The following KDM1B variants were observed in gnomAD, a reference collection of about 807,000 sequenced individuals.
KDM1B encodes lysine demethylase 1B.
Under a neutral mutation model 107.4 loss-of-function variants are expected in KDM1B, and 63 were observed. The observed-to-expected ratio is 0.59, with a 90% CI of 0.48 to 0.72. The LOEUF is 0.72. Among genes scored for constraint, KDM1B ranks in the 30% least tolerant of loss-of-function variants. KDM1B has a pLI of 0.00. For missense variants in KDM1B, 749 were observed against 1,020.8 expected (o/e 0.73, Z 3.63); for synonymous variants, 363 against 363.9 (o/e 1.00, Z 0.03).
At chr6:18,221,024 C>T (rs1224749541) in intron 21 of KDM1B, among the ~76,000 whole-genome samples, 4 of 151,710 alleles carry the variant, frequency 2.6e-5, no homozygotes, top group South Asian at 2.1e-4. Context: ...GGATTACATG[C>T]GTGAGCCACC....
intron 9 of KDM1B, among the ~76,000 whole-genome samples, chr6:18,190,343 T>C (rs1036938855): frequency 6.7e-6 from 1 of 150,146 alleles, no homozygotes; most frequent in Non-Finnish European, 1.5e-5. Context: ...CTGTAATCCC[T>C]GCACTTTGGG....
chr6:18,217,857 T>G lies in KDM1B; in HGVS notation c.2357T>G (p.Ile786Ser), dbSNP rs765633223. 3.1e-6 allele frequency: 5 copies of G among 1,612,834 alleles called. No homozygotes were observed. Among genetic ancestry groups the G allele is most frequent in the Admixed American group, 1.7e-5 (1 of 59,558 alleles). ...GEAYDIIAED[I>S]QGTVFFAGEA... ...GCCTACGATATCATTGCTGAAGACA[T>G]TCAAGGAACCGTCTTTTTCGCTGGT... Residue 786 changes from isoleucine (I) to serine (S), a missense_variant, in exon 21 of 22, where the codon ATT becomes AGT. Coordinates refer to ENST00000650836, the MANE Select transcript of KDM1B (RefSeq NM_001364614.2).
At chr6:18,177,303 G>T (rs891626822) in intron 7 of KDM1B, among the ~76,000 whole-genome samples, 1 of 151,902 alleles carries the variant, frequency 6.6e-6, no homozygotes, top group African/African-American at 2.4e-5. Flanking sequence ...AGTGGTGTCA[G>T]TTGTAATATC....
chr6:18,221,071 T>C (rs974819264), intron 21 of KDM1B, among the ~76,000 whole-genome samples: 4 of 152,024 alleles, frequency 2.6e-5, no homozygotes, highest in Admixed American at 1.3e-4. Flanking sequence ...GAGGCTTCCT[T>C]CCCTCACTGC....
chr6:18,184,477 G>A (rs936580203), intron 7 of KDM1B, among the ~76,000 whole-genome samples: 5 of 151,644 alleles, frequency 3.3e-5, no homozygotes, highest in Non-Finnish European at 5.9e-5. Context: ...GTTTCACCAT[G>A]TTGGCCAGGC....
chr6:18,214,943 A>AAG lies in KDM1B; in HGVS notation c.2110-64_2110-63insAG. Reference sequence around the variant, plus strand: ...CAAAACAAAACAAAAAACAAAAAAAAGAGGCCCTTATCTGTGGGAGCTGAG... The same window carrying AAG: ...CAAAACAAAACAAAAAACAAAAAAAAAGGAGGCCCTTATCTGTGGGAGCTGAG... On this transcript the variant is annotated intron_variant, in intron 19 of 21. Coordinates refer to ENST00000650836, the MANE Select transcript of KDM1B (RefSeq NM_001364614.2). The surrounding 1 kb of genome is among the most constrained non-coding windows in gnomAD (Gnocchi z 4.4). 1 of 1,531,162 alleles carries AAG rather than the reference A, an allele frequency of 6.5e-7. No individual in the cohort carries two copies. Among genetic ancestry groups the AAG allele is most frequent in the East Asian group, 2.3e-5 (1 of 43,756 alleles). 94.8% of individuals were successfully genotyped at this position (1,531,162 alleles called of 1,614,324 possible).
In KDM1B at chr6:18,222,968, A is replaced by G. The variant is rs1262426920; in HGVS notation, c.*976A>G. The G allele has an allele frequency of 6.5e-6, 1 of 152,734 alleles. No individual in the cohort carries two copies. The highest frequency in any genetic ancestry group is 2.4e-5 in the African/African-American group (1 of 41,580). 9.5% of individuals were successfully genotyped at this position (152,734 alleles called of 1,614,324 possible). A position where few individuals can be genotyped will look rare whatever the true frequency, so the allele number is the denominator to read the frequency against. On this transcript the variant is annotated 3_prime_UTR_variant, in exon 22 of 22. Coordinates refer to ENST00000650836, the MANE Select transcript of KDM1B (RefSeq NM_001364614.2). ...AATGTGAGCTCTCCTGGTAAATAGT[A>G]TACATTTTATAAGCTATATTTTAAA...
In KDM1B at chr6:18,215,100, G is replaced by A. The variant is rs1434627266; in HGVS notation, c.2203G>A (p.Ala735Thr). 6.2e-6 allele frequency: 10 copies of A among 1,613,278 alleles called. No individual in the cohort carries two copies. The highest frequency in any genetic ancestry group is 1.6e-4 in the Middle Eastern group (1 of 6,080). Residue 735 changes from alanine (A) to threonine (T), a missense_variant, in exon 20 of 22, where the codon GCC becomes ACC. Transcript: ENST00000650836. ...CAAACAGGTGCTGCAGCAGTGCATG[G>A]CCACGCTCCGGGAGCTGTTCAAGGA... ...DDKQVLQQCM[A>T]TLRELFKEQE...
chr6:18,178,433 G>T lies in KDM1B; in HGVS notation c.534+6954G>T, dbSNP rs111523360. Among the ~76,000 whole-genome samples, 224 of 147,592 alleles carry T rather than the reference G, an allele frequency of 1.5e-3. 2 individuals are homozygous for T. The highest frequency in any genetic ancestry group is 4.8e-3 in the African/African-American group (192 of 39,878). On this transcript the variant is annotated intron_variant, in intron 7 of 21. Transcript: ENST00000650836. Reference sequence around the variant, plus strand: ...TTTTGAAACAGAGTCTTGCTTTGTCGCCAGGCTGAAGTGCAATGGCACGAT... The same window carrying T: ...TTTTGAAACAGAGTCTTGCTTTGTCTCCAGGCTGAAGTGCAATGGCACGAT...
Position 18,201,742 on chromosome 6 carries a change from A to G in KDM1B, c.1531+85A>G, listed in dbSNP as rs1234221916. ...TCAGCAGTGGCATTGTTCATTTGCG[A>G]GGTCGGATGTCGGCAACAGGGTAGC... On this transcript the variant is annotated intron_variant, in intron 14 of 21. Coordinates refer to ENST00000650836, the MANE Select transcript of KDM1B (RefSeq NM_001364614.2). The surrounding 1 kb of genome is among the most constrained non-coding windows in gnomAD (Gnocchi z 4.3). 2 of 1,181,568 alleles carry G rather than the reference A, an allele frequency of 1.7e-6. No homozygotes were observed. Among genetic ancestry groups the G allele is most frequent in the Non-Finnish European group, 2.4e-6 (2 of 848,078 alleles). The allele number at this position is 1,181,568 out of a possible 1,614,324, so 73.2% of individuals were successfully genotyped here. A position where few individuals can be genotyped will look rare whatever the true frequency, so the allele number is the denominator to read the frequency against.
At chr6:18,167,150 A>G (rs1785350814) in intron 6 of KDM1B, among the ~76,000 whole-genome samples, 1 of 151,970 alleles carries the variant, frequency 6.6e-6, no homozygotes, top group South Asian at 2.1e-4. Flanking sequence ...AGGTCTAGAA[A>G]TCAAGACCAT....
intron 5 of KDM1B, among the ~76,000 whole-genome samples, chr6:18,164,820 A>G (rs1384689786): frequency 6.6e-6 from 1 of 151,728 alleles, no homozygotes; most frequent in Non-Finnish European, 1.5e-5. Flanking sequence ...TAATTTTTGT[A>G]TTTTTAGTAG....
chr6:18,163,007 A>G (rs1052412555), intron 5 of KDM1B, 83 bp downstream of exon 5: 2 of 815,976 alleles, frequency 2.5e-6, no homozygotes, highest in Admixed American at 3.8e-5. Flanking sequence ...ATTAAAGCTT[A>G]GTCTCGAGGC....
chr6:18,161,087 A>T (rs1455360266), intron 3 of KDM1B, among the ~76,000 whole-genome samples: 1 of 152,062 alleles, frequency 6.6e-6, no homozygotes, highest in African/African-American at 2.4e-5. Flanking sequence ...GACTCATATG[A>T]ATTTAGTTCT....
intron 7 of KDM1B, among the ~76,000 whole-genome samples, chr6:18,173,498 A>T (rs564962773): frequency 3.3e-5 from 5 of 152,066 alleles, no homozygotes; most frequent in Non-Finnish European, 7.4e-5. Context: ...GGAATTTTCC[A>T]TTTTGAAGTG....
Position 18,201,516 on chromosome 6 carries a change from A to C in KDM1B, c.1390A>C (p.Arg464=), listed in dbSNP as rs1243351709. 2.6e-6 allele frequency: 4 copies of C among 1,549,450 alleles called. No homozygotes were observed. Among genetic ancestry groups the C allele is most frequent in the Non-Finnish European group, 3.5e-6 (4 of 1,146,754 alleles). ...LGISMHKFGE[R]CDLIQEGGRI... ...CATCAGCATGCATAAATTTGGAGAA[A>C]GATGTGACTTAATTCAGGAAGGTGG... The change falls in exon 14 of 22, where the codon AGA becomes CGA. Residue 464 remains arginine (R), a synonymous_variant. Coordinates refer to ENST00000650836, the MANE Select transcript of KDM1B (RefSeq NM_001364614.2). The surrounding 1 kb of genome is among the most constrained non-coding windows in gnomAD (Gnocchi z 4.3).
Position 18,214,690 on chromosome 6 carries a change from ACC to A in KDM1B, c.2110-316_2110-315del, listed in dbSNP as rs1352647976. On this transcript the variant is annotated intron_variant, in intron 19 of 21. Coordinates refer to ENST00000650836, the MANE Select transcript of KDM1B (RefSeq NM_001364614.2). The surrounding 1 kb of genome is among the most constrained non-coding windows in gnomAD (Gnocchi z 4.4). ...TTTGGGAGGCCGAGGTGGGTGGATC[ACC>A]TGAGGTCAGGAGTTTGAGACCAGTC... is the stretch of plus-strand genomic sequence containing the variant. Among the ~76,000 whole-genome samples, 1 of 152,162 alleles carries A rather than the reference ACC, an allele frequency of 6.6e-6. No homozygotes were observed. Among genetic ancestry groups the A allele is most frequent in the African/African-American group, 2.4e-5 (1 of 41,448 alleles).
chr6:18,191,069 A>C lies in KDM1B; in HGVS notation c.785-128A>C. 1 of 641,298 alleles carries C rather than the reference A, an allele frequency of 1.6e-6. No individual in the cohort carries two copies. Among genetic ancestry groups the C allele is most frequent in the Non-Finnish European group, 2.6e-6 (1 of 380,310 alleles). 39.7% of individuals were successfully genotyped at this position (641,298 alleles called of 1,614,324 possible). A position where few individuals can be genotyped will look rare whatever the true frequency, so the allele number is the denominator to read the frequency against. ...TTTTGTCTAACTGGGTGGAGGAAGCAAAGGTATTTATGTAGGGTAGAGAGT... is the reference window on the plus strand; with the variant it reads ...TTTTGTCTAACTGGGTGGAGGAAGCCAAGGTATTTATGTAGGGTAGAGAGT... On this transcript the variant is annotated intron_variant, in intron 9 of 21. Coordinates refer to ENST00000650836, the MANE Select transcript of KDM1B (RefSeq NM_001364614.2). The surrounding 1 kb of genome is among the most constrained non-coding windows in gnomAD (Gnocchi z 5.1).
intron 17 of KDM1B, among the ~76,000 whole-genome samples, chr6:18,210,348 T>TTTTTTTTTG: frequency 2.4e-5 from 1 of 41,936 alleles, no homozygotes; most frequent in Non-Finnish European, 4.3e-5. Context: ...TTTTCTTTTT[T>TTTTTTTTTG]TTTTTTTTTT....
Sources: gnomAD v4.1 joint callset for allele counts (sites outside exome capture counted in the v4.1 genomes callset) on GRCh38, gnomAD v4.1.1 for gene constraint, Gnocchi (gnomAD v3.1) non-coding constraint, MANE v1.5 for transcripts, NCBI Gene and HGNC (gene_info 2026-07-23, HGNC 2026-07-21) for gene names.